Variants in PI16 observed in about 807,000 individuals in gnomAD.
PI16 encodes PSP94-binding protein.
In PI16, 35 loss-of-function variants were observed where a neutral mutation model predicts 38.0. That is an observed-to-expected ratio of 0.92 (90% confidence interval 0.70 to 1.22). The LOEUF is 1.22. Ranked by LOEUF, PI16 falls within the 50% of genes most tolerant of loss-of-function variation. The probability of loss-of-function intolerance (pLI) is 0.00; values close to 1 mark genes in which losing one functional copy is unlikely to be tolerated. For missense variants in PI16, 572 were observed against 593.8 expected (o/e 0.96, Z 0.38); for synonymous variants, 275 against 252.9 (o/e 1.09, Z -0.83).
upstream of PI16, among the ~76,000 whole-genome samples, chr6:36,953,086 G>A (rs1315925841): frequency 6.6e-6 from 1 of 152,106 alleles, no homozygotes; most frequent in Non-Finnish European, 1.5e-5. Context: ...TTGGGAGACC[G>A]AGGCGGGCGG....
Position 36,962,083 on chromosome 6 carries a change from G to C in PI16, c.592+109G>C, listed in dbSNP as rs1470920908. ...TGAGCGGGACGTGGGCAGGGAAGGA[G>C]CCTGGTGGGATGCGACCACCGGGGG... On this transcript the variant is annotated intron_variant, in intron 4 of 6. Transcript: ENST00000373674. The surrounding 1 kb of genome is among the most constrained non-coding windows in gnomAD (Gnocchi z 4.1). 2.2e-6 allele frequency: 2 copies of C among 919,796 alleles called. No individual in the cohort carries two copies. The highest frequency in any genetic ancestry group is 1.6e-5 in the African/African-American group (1 of 61,694). 57.0% of individuals were successfully genotyped at this position (919,796 alleles called of 1,614,324 possible).
upstream of PI16, among the ~76,000 whole-genome samples, chr6:36,951,882 GA>G (rs1583227554): frequency 6.6e-6 from 1 of 152,002 alleles, no homozygotes; most frequent in African/African-American, 2.4e-5. Context: ...CTGGGTGACA[GA>G]GCGAGACCCT....
At chr6:36,958,090 G>A (rs564172230) in intron 1 of PI16, among the ~76,000 whole-genome samples, 8 of 152,236 alleles carry the variant, frequency 5.3e-5, no homozygotes, top group Non-Finnish European at 1.0e-4. Flanking sequence ...GCCAGGCAGC[G>A]GCTCCTGAAA....
chr6:36,963,747 T>C, intron 5 of PI16, 76 bp from the exon 6 acceptor site: 1 of 1,531,656 alleles, frequency 6.5e-7, no homozygotes, highest in Non-Finnish European at 8.8e-7. Flanking sequence ...CTGCCCCACC[T>C]CCTTGCATGG....
rs539491930 is a variant in PI16 at position 36,956,504 on chromosome 6, G to A, written c.171+1573G>A. Among the ~76,000 whole-genome samples, 12 of 152,300 alleles carry A rather than the reference G, an allele frequency of 7.9e-5. No individual in the cohort carries two copies. In the South Asian group the frequency reaches 1.2e-3, roughly 16 times the overall value. On this transcript the variant is annotated intron_variant, in intron 1 of 6. Transcript: ENST00000373674. ...TGCTGCCTAATGGGGAGTGACATGA[G>A]GAGGAGGAGATGAGGCTGGGGCTGG...
Position 36,963,512 on chromosome 6 carries a change from G to T in PI16, c.1170G>T (p.Thr390=), listed in dbSNP as rs1266985304. Residue 390 remains threonine, a synonymous_variant, in exon 5 of 7, where the codon ACG becomes ACT. Transcript: ENST00000373674. The stretch of plus-strand genomic sequence containing the variant: ...AGCTGCAGGCCACACTGGACCACAC[G>T]GGGCACACCTCCTCCAAGTCCCTGC... The part of the protein sequence containing the change: ...PGELQATLDH[T]GHTSSKSLPN... 9.9e-6 allele frequency: 16 copies of T among 1,614,022 alleles called. No individual in the cohort carries two copies. The highest frequency in any genetic ancestry group is 1.4e-5 in the Non-Finnish European group (16 of 1,180,036).
chr6:36,951,179 A>AATGAATAATTGC (rs1184821031), upstream of PI16, among the ~76,000 whole-genome samples: 3 of 152,336 alleles, frequency 2.0e-5, no homozygotes, highest in African/African-American at 7.2e-5. Flanking sequence ...TCTTTTCGAC[A>AATGAATAATTGC]ATGAATAATT....
chr6:36,959,363 G>A lies in PI16; in HGVS notation c.390G>A (p.Thr130=). Residue 130 remains threonine (T), a synonymous_variant, in exon 2 of 7, where the codon ACG becomes ACA. Coordinates refer to ENST00000373674, the MANE Select transcript of PI16 (RefSeq NM_153370.3). ...CSPGQMCGHY[T]QVVWAKTERI... ...CAGGCCAGATGTGCGGCCACTACAC[G>A]CAGGTGTGGGCCCGGCGGGCGAGGC... 1 of 1,551,870 alleles carries A rather than the reference G, an allele frequency of 6.4e-7. No homozygotes were observed. Among genetic ancestry groups the A allele is most frequent in the Non-Finnish European group, 8.7e-7 (1 of 1,148,204 alleles).
intron 1 of PI16, 72 bp from the exon 2 acceptor site, chr6:36,959,073 T>C: frequency 7.3e-7 from 1 of 1,365,432 alleles, no homozygotes; most frequent in Non-Finnish European, 1.0e-6. Context: ...CCCCACGACC[T>C]CCTCGACCTT....
intron 5 of PI16, 93 bp downstream of exon 5, chr6:36,963,705 C>T: frequency 6.5e-7 from 1 of 1,547,212 alleles, no homozygotes; most frequent in African/African-American, 1.4e-5. Context: ...GTGGGGCATG[C>T]ACCCTCTGAG....
chr6:36,953,045 C>T (rs529789808), upstream of PI16, among the ~76,000 whole-genome samples: 5 of 152,260 alleles, frequency 3.3e-5, no homozygotes, highest in South Asian at 2.1e-4. Context: ...AAGGGCCAGG[C>T]GCAGTGGCTC....
chr6:36,950,877 C>T (rs1444322432), upstream of PI16, among the ~76,000 whole-genome samples: 1 of 152,170 alleles, frequency 6.6e-6, no homozygotes, highest in East Asian at 1.9e-4. This position sits in a 1 kb window ranked among gnomAD's most constrained non-coding sequence, Gnocchi z 4.2. Flanking sequence ...CGTATATACC[C>T]AGAAGTGAAA....
chr6:36,963,745 C>A, intron 5 of PI16, 78 bp from the exon 6 acceptor site: 1 of 1,532,818 alleles, frequency 6.5e-7, no homozygotes, highest in East Asian at 2.3e-5. Context: ...TGCTGCCCCA[C>A]CTCCTTGCAT....
At chr6:36,950,621 G>A (rs1279012583), upstream of PI16, among the ~76,000 whole-genome samples, 11 of 151,222 alleles carry the variant, frequency 7.3e-5, no homozygotes, top group Non-Finnish European at 1.6e-4. The surrounding 1 kb of genome is among the most constrained non-coding windows in gnomAD (Gnocchi z 4.2). Flanking sequence ...TCGGCTCACC[G>A]CAACCTCCAC....
chr6:36,963,441 A>C lies in PI16; in HGVS notation c.1099A>C (p.Ser367Arg). Residue 367 changes from serine (S) to arginine (R), a missense_variant, in exon 5 of 7, where the codon AGT (serine) becomes CGT (arginine). Transcript: ENST00000373674. ...AEAEAELPPS[S>R]EVLASVFPAQ... Reference sequence around the variant, plus strand: ...GGCTGAGGCTGAGTTGCCTCCTTCCAGTGAGGTCTTGGCCTCAGTTTTTCC... The same window carrying C: ...GGCTGAGGCTGAGTTGCCTCCTTCCCGTGAGGTCTTGGCCTCAGTTTTTCC... 1 of 1,614,158 alleles carries C rather than the reference A, an allele frequency of 6.2e-7. No homozygotes were observed. Among genetic ancestry groups the C allele is most frequent in the Non-Finnish European group, 8.5e-7 (1 of 1,180,032 alleles).
In PI16 at chr6:36,963,830, G is replaced by C; in HGVS notation, c.1278G>C (p.Glu426Asp). Residue 426 changes from glutamate (E) to aspartate (D), a missense_variant, in exon 6 of 7, where the codon GAG becomes GAC. By Grantham distance (45) the Glu-to-Asp change is conservative. Coordinates refer to ENST00000373674, the MANE Select transcript of PI16 (RefSeq NM_153370.3). ...LALQSSLPGA[E>D]GPDKPSVVSG... Reference sequence around the variant, plus strand: ...GCCTCTTTCTTCCCACAGGTGCAGAGGGCCCTGACAAGCCTAGCGTCGTGT... The same window carrying C: ...GCCTCTTTCTTCCCACAGGTGCAGACGGCCCTGACAAGCCTAGCGTCGTGT... 1 of 1,595,456 alleles carries C rather than the reference G, an allele frequency of 6.3e-7. No individual in the cohort carries two copies. The highest frequency in any genetic ancestry group is 8.5e-7 in the Non-Finnish European group (1 of 1,172,744).
chr6:36,963,331 CT>C lies in PI16; in HGVS notation c.990del (p.Arg331GlyfsTer13). The C allele has an allele frequency of 6.2e-7, 1 of 1,614,200 alleles. No homozygotes were observed. Among genetic ancestry groups the C allele is most frequent in the Non-Finnish European group, 8.5e-7 (1 of 1,180,020 alleles). ...DKVTDKTKVP[S>X]RSPENSLDPK... ...GTGACAGACAAAACAAAAGTGCCCT[CT>C]AGGAGCCCAGAGAACTCTCTGGACC... On this transcript the variant is annotated frameshift_variant, in exon 5 of 7. Coordinates refer to ENST00000373674, the MANE Select transcript of PI16 (RefSeq NM_153370.3). LOFTEE classifies it high-confidence loss of function.
rs1042491913 is a variant in PI16, at chr6:36,963,538, C to T, written c.1196C>T (p.Pro399Leu). The change falls in exon 5 of 7, where the codon CCC becomes CTC. Residue 399 changes from proline (P) to leucine (L), a missense_variant. Pro to Leu is a moderately conservative substitution (Grantham distance 98). Transcript: ENST00000373674. ...HTGHTSSKSL[P>L]NFPNTSATAN... ...GGGCACACCTCCTCCAAGTCCCTGC[C>T]CAATTTCCCCAATACCTCTGCCACC... is the stretch of plus-strand genomic sequence containing the variant. 3.7e-6 allele frequency: 6 copies of T among 1,614,050 alleles called. No individual in the cohort carries two copies. The highest frequency in any genetic ancestry group is 5.1e-6 in the Non-Finnish European group (6 of 1,180,044).
rs1325810119 is a variant in PI16 at position 36,964,491 on chromosome 6, A to G, written c.*124A>G. ...CTCCGGAAGGGAAAGGCTACGGGGC[A>G]TGTGCCTCATCACACCATCCATCCT... On this transcript the variant is annotated 3_prime_UTR_variant, in exon 7 of 7. Transcript: ENST00000373674. 3 of 152,942 alleles carry G rather than the reference A, an allele frequency of 2.0e-5. No homozygotes were observed. Among genetic ancestry groups the G allele is most frequent in the African/African-American group, 7.2e-5 (3 of 41,432 alleles). 9.5% of individuals were successfully genotyped at this position (152,942 alleles called of 1,614,324 possible). A position where few individuals can be genotyped will look rare whatever the true frequency, so the allele number is the denominator to read the frequency against.
Sources: gnomAD v4.1 joint callset for allele counts (sites outside exome capture counted in the v4.1 genomes callset) on GRCh38, gnomAD v4.1.1 for gene constraint, Gnocchi (gnomAD v3.1) non-coding constraint, MANE v1.5 for transcripts, NCBI Gene and HGNC (gene_info 2026-07-23, HGNC 2026-07-21) for gene names.